The following ARIH1 variants were observed in gnomAD, a reference collection of about 807,000 sequenced individuals.
The protein encoded by ARIH1 is E3 ubiquitin-protein ligase ARIH1.
ARIH1 carries 8 observed loss-of-function variants against 85.0 expected under a neutral mutation model. The observed-to-expected ratio is 0.09, with a 90% CI of 0.06 to 0.17. The LOEUF is 0.17. Among genes scored for constraint, ARIH1 ranks in the 10% least tolerant of loss-of-function variants. The probability of loss-of-function intolerance (pLI) is 1.00; values close to 1 mark genes in which losing one functional copy is unlikely to be tolerated. For synonymous variants in ARIH1, 238 were observed against 253.6 expected (o/e 0.94, Z 0.59); for missense variants, 311 against 718.1 (o/e 0.43, Z 6.48).
intron 2 of ARIH1, among the ~76,000 whole-genome samples, chr15:72,518,519 G>T (rs764020683): frequency 6.6e-6 from 1 of 152,164 alleles, no homozygotes; most frequent in Non-Finnish European, 1.5e-5. Flanking sequence ...TCCGGGCATG[G>T]TGGCTCACGC....
chr15:72,508,256 C>T (rs1334609756), intron 1 of ARIH1, among the ~76,000 whole-genome samples: 12 of 152,178 alleles, frequency 7.9e-5, no homozygotes, highest in Admixed American at 7.2e-4. Flanking sequence ...AGTATTAGTA[C>T]TAGTTTTCTG....
Position 72,474,499 on chromosome 15 carries a change from TG to T in ARIH1, c.-137del. 1 of 1,136,850 alleles carries T rather than the reference TG, an allele frequency of 8.8e-7. No homozygotes were observed. 70.4% of individuals were successfully genotyped at this position (1,136,850 alleles called of 1,614,324 possible). On this transcript the variant is annotated 5_prime_UTR_variant, in exon 1 of 14. Coordinates refer to ENST00000379887, the MANE Select transcript of ARIH1 (RefSeq NM_005744.5). ...GCCGTCAAACGCCAACCGCCGCTCC[TG>T]GGGAGGAGCCGCGGCTCGCGGGGCC...
chr15:72,487,703 TACTA>T (rs1265140539), intron 1 of ARIH1, among the ~76,000 whole-genome samples: 9 of 152,214 alleles, frequency 5.9e-5, no homozygotes, highest in Admixed American at 1.3e-4. Context: ...CTATCCTTTT[TACTA>T]ACTAATCCTA....
In ARIH1 at chr15:72,592,289, C is replaced by T. The variant is rs879623502; in HGVS notation, c.*8997C>T. The T allele has an allele frequency of 3.3e-5, 5 of 152,184 alleles. No homozygotes were observed. Among genetic ancestry groups the T allele is most frequent in the Non-Finnish European group, 7.3e-5 (5 of 68,032 alleles). 9.4% of individuals were successfully genotyped at this position (152,184 alleles called of 1,614,324 possible). On this transcript the variant is annotated 3_prime_UTR_variant, in exon 14 of 14. Coordinates refer to ENST00000379887, the MANE Select transcript of ARIH1 (RefSeq NM_005744.5). ...GATTGTGTGCTCTTTAAGATAAATTCCATAATCAAGGGCCTGGCCCTGAAT... is the reference window on the plus strand; with the variant it reads ...GATTGTGTGCTCTTTAAGATAAATTTCATAATCAAGGGCCTGGCCCTGAAT...
At chr15:72,514,286 T>C (rs1404992751) in intron 1 of ARIH1, among the ~76,000 whole-genome samples, 1 of 152,228 alleles carries the variant, frequency 6.6e-6, no homozygotes, top group Non-Finnish European at 1.5e-5. Flanking sequence ...CTTCTCTCTT[T>C]TGTTAAGATT....
At chr15:72,540,817 T>C (rs1344134415) in intron 2 of ARIH1, among the ~76,000 whole-genome samples, 3 of 152,300 alleles carry the variant, frequency 2.0e-5, no homozygotes, top group South Asian at 2.1e-4. Flanking sequence ...CTGGGCAACA[T>C]AGTGAGACCC....
intron 9 of ARIH1, 50 bp downstream of exon 9, chr15:72,567,227 G>T (rs773498449): frequency 6.8e-7 from 1 of 1,480,400 alleles, no homozygotes; most frequent in Admixed American, 1.9e-5. Flanking sequence ...ATAAGGATTG[G>T]TACTTTGGCA....
In ARIH1 at chr15:72,593,361, A is replaced by T. The variant is rs887256250; in HGVS notation, c.*10069A>T. 2.6e-5 allele frequency: 4 copies of T among 152,110 alleles called. No homozygotes were observed. Among genetic ancestry groups the T allele is most frequent in the African/African-American group, 7.2e-5 (3 of 41,506 alleles). 9.4% of individuals were successfully genotyped at this position (152,110 alleles called of 1,614,324 possible). On this transcript the variant is annotated 3_prime_UTR_variant, in exon 14 of 14. Coordinates refer to ENST00000379887, the MANE Select transcript of ARIH1 (RefSeq NM_005744.5). ...CTTATTGGGATCTTTCGATGAACAA[A>T]TTTTTTTTATAAAATCCACTTTATC... is the stretch of plus-strand genomic sequence containing the variant.
At chr15:72,558,495 T>A (rs2064184404) in intron 5 of ARIH1, among the ~76,000 whole-genome samples, 1 of 152,140 alleles carries the variant, frequency 6.6e-6, no homozygotes, top group African/African-American at 2.4e-5. Context: ...AGAGACAGAG[T>A]TTCGTCATGT....
rs763416419 is a variant in ARIH1 at position 72,585,958 on chromosome 15, C to CA, written c.*2667dup. 9 of 152,218 alleles carry CA rather than the reference C, an allele frequency of 5.9e-5. No individual in the cohort carries two copies. Among genetic ancestry groups the CA allele is most frequent in the African/African-American group, 1.4e-4 (6 of 41,534 alleles). The allele number at this position is 152,218 out of a possible 1,614,324, so 9.4% of individuals were successfully genotyped here. A position where few individuals can be genotyped will look rare whatever the true frequency, so the allele number is the denominator to read the frequency against. The stretch of plus-strand genomic sequence containing the variant: ...CACCAAGGTCTCCATGTCTTGAGGT[C>CA]AGTTTCATTGTCTTTTGAAAAGTGC... On this transcript the variant is annotated 3_prime_UTR_variant, in exon 14 of 14. Transcript: ENST00000379887.
chr15:72,474,342 A>C lies in ARIH1; in HGVS notation c.-298A>C, dbSNP rs187106179. 2 of 381,534 alleles carry C rather than the reference A, an allele frequency of 5.2e-6. No homozygotes were observed. The highest frequency in any genetic ancestry group is 5.2e-5 in the Admixed American group (1 of 19,180). The allele number at this position is 381,534 out of a possible 1,614,324, so 23.6% of individuals were successfully genotyped here. On this transcript the variant is annotated 5_prime_UTR_variant, in exon 1 of 14. Coordinates refer to ENST00000379887, the MANE Select transcript of ARIH1 (RefSeq NM_005744.5). ...CCTTTGTTGGCTCAGTAGCGATAGC[A>C]GCGGCCGTGGAGGTGGCGTTGGGGA...
At chr15:72,578,074 C>G (rs531736149) in intron 11 of ARIH1, among the ~76,000 whole-genome samples, 17 of 152,198 alleles carry the variant, frequency 1.1e-4, no homozygotes, top group Non-Finnish European at 2.1e-4. Flanking sequence ...TCATCTGGCA[C>G]TGGTTTGGAA....
intron 2 of ARIH1, among the ~76,000 whole-genome samples, chr15:72,521,782 C>T (rs1312298902): frequency 6.6e-6 from 1 of 152,188 alleles, no homozygotes; most frequent in East Asian, 1.9e-4. Flanking sequence ...CTCCTGACTT[C>T]AGGTGATCTT....
chr15:72,580,150 A>C (rs1035786506), intron 11 of ARIH1, among the ~76,000 whole-genome samples: 1 of 152,026 alleles, frequency 6.6e-6, no homozygotes, highest in Admixed American at 6.6e-5. Flanking sequence ...TGTGAGTTCA[A>C]CTTTTTTAGT....
intron 3 of ARIH1, among the ~76,000 whole-genome samples, chr15:72,554,616 G>T (rs2064167211): frequency 6.6e-6 from 1 of 152,108 alleles, no homozygotes; most frequent in Non-Finnish European, 1.5e-5. Flanking sequence ...TGAACTCCTT[G>T]CCTCAAGTAA....
In ARIH1 at chr15:72,594,829, TTTTTTTTTTG is replaced by T; in HGVS notation, c.*11539_*11548del. 7.1e-6 allele frequency: 1 copy of T among 141,408 alleles called. No homozygotes were observed. Among genetic ancestry groups the T allele is most frequent in the Admixed American group, 7.2e-5 (1 of 13,914 alleles). The allele number at this position is 141,408 out of a possible 1,614,324, so 8.8% of individuals were successfully genotyped here. ...TTTTCTTCTTTTTTTTTTTTTTTTT[TTTTTTTTTTG>T]TCTTTCTCCACTGGCTACAATATCT... On this transcript the variant is annotated 3_prime_UTR_variant, in exon 14 of 14. Transcript: ENST00000379887.
At chr15:72,544,612 A>G (rs1007445070) in intron 2 of ARIH1, among the ~76,000 whole-genome samples, 5 of 149,826 alleles carry the variant, frequency 3.3e-5, no homozygotes, top group Non-Finnish European at 7.4e-5. Flanking sequence ...TGCTGTTTGC[A>G]ATATATATAT....
chr15:72,555,282 C>T lies in ARIH1; in HGVS notation c.600C>T (p.Gly200=), dbSNP rs775263759. 6.2e-7 allele frequency: 1 copy of T among 1,612,338 alleles called. No homozygotes were observed. Among genetic ancestry groups the T allele is most frequent in the Non-Finnish European group, 8.5e-7 (1 of 1,178,684 alleles). ...TGTTTTTCTTACAGTATTTCACTGG[C>T]CTTGAATGTGGACATAAGTTTTGTA... ...YLNYPNSYFT[G]LECGHKFCMQ... is the part of the protein sequence containing the mutation. The change falls in exon 4 of 14, where the codon GGC becomes GGT. Residue 200 remains glycine, a synonymous_variant. Coordinates refer to ENST00000379887, the MANE Select transcript of ARIH1 (RefSeq NM_005744.5).
At chr15:72,517,752 G>A (rs1438630942) in intron 1 of ARIH1, among the ~76,000 whole-genome samples, 1 of 152,050 alleles carries the variant, frequency 6.6e-6, no homozygotes, top group East Asian at 1.9e-4. Flanking sequence ...GTGTGCTGAT[G>A]TGGCAGTCTG....
Sources: allele counts gnomAD v4.1 joint callset (sites outside exome capture counted in the v4.1 genomes callset), GRCh38; gene constraint gnomAD v4.1.1; transcripts MANE v1.5; gene names NCBI Gene and HGNC (gene_info 2026-07-23, HGNC 2026-07-21).